The following SLIT1 variants were observed in gnomAD, a reference collection of about 807,000 sequenced individuals.
The protein encoded by SLIT1 is slit guidance ligand 1.
SLIT1 carries 66 observed loss-of-function variants against 186.1 expected under a neutral mutation model. The ratio of observed to expected loss-of-function variants is 0.35; its 90% CI spans 0.29 to 0.44. SLIT1 has a LOEUF of 0.44. Ranked by LOEUF, SLIT1 falls within the 20% of genes least tolerant of loss-of-function variation. The pLI, the probability that SLIT1 is intolerant of heterozygous loss-of-function variation, is 1.00. For missense variants in SLIT1, 1,638 were observed against 2,037.4 expected (o/e 0.80, Z 3.77); for synonymous variants, 761 against 833.8 (o/e 0.91, Z 1.50).
intron 1 of SLIT1, among the ~76,000 whole-genome samples, chr10:97,178,259 C>A (rs1254530150): frequency 6.6e-6 from 1 of 152,174 alleles, no homozygotes; most frequent in Non-Finnish European, 1.5e-5. Flanking sequence ...GATAAAATCA[C>A]CAATACTGGC....
chr10:97,185,337 C>T, intron 1 of SLIT1, 141 bp downstream of exon 1: 1 of 789,364 alleles, frequency 1.3e-6, no homozygotes, highest in Non-Finnish European at 2.0e-6. Flanking sequence ...CGGGAAAGAC[C>T]CCGGCAGGCA....
At chr10:97,087,352 C>T (rs1449736899) in intron 4 of SLIT1, among the ~76,000 whole-genome samples, 1 of 152,220 alleles carries the variant, frequency 6.6e-6, no homozygotes. Context: ...CACCATCCTC[C>T]GGCTTGCCTC....
In SLIT1 at chr10:97,034,599, T is replaced by G. The variant is rs1269938280; in HGVS notation, c.2367-57A>C. On this transcript the variant is annotated intron_variant, in intron 22 of 36. Transcript: ENST00000266058. ...AGAACTCACTCAGCCCTGGCTCACA[T>G]TCACGGGCTTCTTCCCCTCCCTCAC... The G allele has an allele frequency of 6.9e-6, 10 of 1,456,028 alleles. No homozygotes were observed. The East Asian group carries it at 2.3e-4, about 33-fold the overall frequency. 90.2% of individuals were successfully genotyped at this position (1,456,028 alleles called of 1,614,324 possible).
chr10:97,024,114 G>A (rs780897948), intron 25 of SLIT1, among the ~76,000 whole-genome samples: 13 of 152,274 alleles, frequency 8.5e-5, no homozygotes, highest in Non-Finnish European at 1.8e-4. Context: ...ACGTGAATGA[G>A]AATGGGCACA....
chr10:97,111,060 G>T (rs1033717562), intron 4 of SLIT1, among the ~76,000 whole-genome samples: 1 of 152,010 alleles, frequency 6.6e-6, no homozygotes. Flanking sequence ...CCTGGTGGCA[G>T]GCACCTGTAA....
intron 4 of SLIT1, among the ~76,000 whole-genome samples, chr10:97,115,498 G>A (rs1849500940): frequency 6.6e-6 from 1 of 152,112 alleles, no homozygotes; most frequent in South Asian, 2.1e-4. Flanking sequence ...GTTTGCAAAT[G>A]TTCTCTGGAG....
At position 97,064,853 on chromosome 10, in the gene SLIT1, C is replaced by G; in HGVS notation, c.509G>C (p.Ser170Thr). 1 of 1,612,726 alleles carries G rather than the reference C, an allele frequency of 6.2e-7. No homozygotes were observed. Among genetic ancestry groups the G allele is most frequent in the Non-Finnish European group, 8.5e-7 (1 of 1,179,358 alleles). ...ACGGAAGGCCCCTTCCTCAATGCAGCTGATCTGGTTCTTGTCCAGCTGTCT... is the reference window on the plus strand; with the variant it reads ...ACGGAAGGCCCCTTCCTCAATGCAGGTGATCTGGTTCTTGTCCAGCTGTCT... ...KNLQLDKNQI[S>T]CIEEGAFRAL... The change falls in exon 6 of 37, where the codon AGC becomes ACC. Residue 170 changes from serine (S) to threonine (T), a missense_variant. By Grantham distance (58) the Ser-to-Thr change is moderately conservative. Transcript: ENST00000266058.
chr10:97,033,920 A>G (rs771377265), intron 23 of SLIT1, among the ~76,000 whole-genome samples: 60 of 147,628 alleles, frequency 4.1e-4, no homozygotes, highest in Admixed American at 1.0e-3. Flanking sequence ...GCTGGAGTGC[A>G]ATGGCACGAT....
chr10:97,053,831 GA>G (rs537503042), intron 13 of SLIT1, among the ~76,000 whole-genome samples: 55 of 152,234 alleles, frequency 3.6e-4, no homozygotes, highest in Non-Finnish European at 7.1e-4. Flanking sequence ...AACTGCATTA[GA>G]AATGAAAAAA....
intron 10 of SLIT1, among the ~76,000 whole-genome samples, 155 bp downstream of exon 10, chr10:97,059,932 C>T (rs765391866): frequency 6.6e-6 from 1 of 152,220 alleles, no homozygotes; most frequent in Non-Finnish European, 1.5e-5. Context: ...CCCCGCATCA[C>T]AGCCAAGCAG....
At chr10:97,165,208 C>T (rs1422473219) in intron 1 of SLIT1, among the ~76,000 whole-genome samples, 1 of 152,236 alleles carries the variant, frequency 6.6e-6, no homozygotes, top group African/African-American at 2.4e-5. Flanking sequence ...AATCCGGAAA[C>T]TAGTCAAGAA....
At chr10:97,104,463 T>C (rs955530732) in intron 4 of SLIT1, among the ~76,000 whole-genome samples, 2 of 152,084 alleles carry the variant, frequency 1.3e-5, no homozygotes, top group Admixed American at 6.5e-5. Flanking sequence ...TTGCATGTAG[T>C]AAGTGTTCAA....
intron 4 of SLIT1, among the ~76,000 whole-genome samples, chr10:97,109,529 C>A (rs946140644): frequency 2.6e-5 from 4 of 152,202 alleles, no homozygotes; most frequent in African/African-American, 9.7e-5. Context: ...TGGGTTCCTG[C>A]CGCTCCATGC....
intron 3 of SLIT1, among the ~76,000 whole-genome samples, 167 bp from the exon 4 acceptor site, chr10:97,158,056 T>C (rs1372635360): frequency 6.6e-6 from 1 of 152,170 alleles, no homozygotes; most frequent in Non-Finnish European, 1.5e-5. Context: ...CAGTTCTTCA[T>C]CTGTAAAGTG....
chr10:97,094,893 C>T (rs890616998), intron 4 of SLIT1, among the ~76,000 whole-genome samples: 2 of 152,168 alleles, frequency 1.3e-5, no homozygotes, highest in Non-Finnish European at 2.9e-5. Flanking sequence ...AACAAATAAA[C>T]GCAAATGAGC....
At chr10:97,141,819 G>T (rs936995938) in intron 4 of SLIT1, among the ~76,000 whole-genome samples, 3 of 151,592 alleles carry the variant, frequency 2.0e-5, no homozygotes, top group African/African-American at 7.3e-5. Context: ...ACTAGACAGG[G>T]TCTCACTAAG....
At position 97,064,726 on chromosome 10, in the gene SLIT1, C is replaced by T. The variant is rs925237652; in HGVS notation, c.557+79G>A. The T allele has an allele frequency of 3.1e-5, 33 of 1,049,658 alleles. No individual in the cohort carries two copies. In the South Asian group the frequency reaches 3.4e-4, roughly 11 times the overall value. 65.0% of individuals were successfully genotyped at this position (1,049,658 alleles called of 1,614,324 possible). Reference sequence around the variant, plus strand: ...TCTCCCTTCCTGTCTCCCTGATGCCCGCTGCCTAGGCTGCGGCACTTGGCA... The same window carrying T: ...TCTCCCTTCCTGTCTCCCTGATGCCTGCTGCCTAGGCTGCGGCACTTGGCA... On this transcript the variant is annotated intron_variant, in intron 6 of 36. Transcript: ENST00000266058.
intron 4 of SLIT1, among the ~76,000 whole-genome samples, chr10:97,152,059 G>T (rs181536063): frequency 6.6e-6 from 1 of 152,144 alleles, no homozygotes; most frequent in African/African-American, 2.4e-5. Context: ...AATGCCTCCA[G>T]GGCAGCATCA....
rs59578209 is a variant in SLIT1, at chr10:97,037,048, T to TTGTGTGTG, written c.2366+642_2366+649dup. On this transcript the variant is annotated intron_variant, in intron 22 of 36. Coordinates refer to ENST00000266058, the MANE Select transcript of SLIT1 (RefSeq NM_003061.3). ...CCTAACCTTGCAAGAATAACCCCCT[T>TTGTGTGTG]TGTGTGTGTGTGTGTGTGTGTGTGT... 2.2e-3 allele frequency among the ~76,000 whole-genome samples: 257 copies of TTGTGTGTG among 116,938 alleles called. 4 individuals carry two copies. Among genetic ancestry groups the TTGTGTGTG allele is most frequent in the Middle Eastern group, 4.2e-3 (1 of 236 alleles). 76.7% of individuals were successfully genotyped at this position (116,938 alleles called of 152,430 possible).
Sources: gnomAD v4.1 joint callset for allele counts (sites outside exome capture counted in the v4.1 genomes callset) on GRCh38, gnomAD v4.1.1 for gene constraint, MANE v1.5 for transcripts, NCBI Gene and HGNC (gene_info 2026-07-23, HGNC 2026-07-21) for gene names.